Variants in GRID2 observed in about 807,000 individuals in gnomAD.
GRID2 encodes the protein glutamate ionotropic receptor delta type subunit 2, also known as glutamate receptor ionotropic, delta-2.
Under a neutral mutation model 114.8 loss-of-function variants are expected in GRID2, and 33 were observed. The ratio of observed to expected loss-of-function variants is 0.29; its 90% confidence interval spans 0.22 to 0.38. The LOEUF is 0.38. Ranked by LOEUF, GRID2 falls within the 10% of genes least tolerant of loss-of-function variation. The pLI, the probability that GRID2 is intolerant of heterozygous loss-of-function variation, is 1.00. For synonymous variants in GRID2, 505 were observed against 449.9 expected (o/e 1.12, Z -1.55); for missense variants, 1,184 against 1,257.7 (o/e 0.94, Z 0.89).
intron 2 of GRID2, among the ~76,000 whole-genome samples, chr4:93,031,519 C>T (rs1205075213): frequency 2.0e-5 from 3 of 152,104 alleles, no homozygotes; most frequent in Non-Finnish European, 4.4e-5. Flanking sequence ...ATTGTAGCTC[C>T]CATAATTCCT....
At chr4:92,320,101 C>T (rs1230737904) in intron 1 of GRID2, among the ~76,000 whole-genome samples, 1 of 151,982 alleles carries the variant, frequency 6.6e-6, no homozygotes, top group Non-Finnish European at 1.5e-5. Context: ...GAAACCATTT[C>T]GGGAGAGAAA....
chr4:93,247,517 T>C (rs1038463447), intron 8 of GRID2, among the ~76,000 whole-genome samples: 1 of 152,014 alleles, frequency 6.6e-6, no homozygotes, highest in African/African-American at 2.4e-5. Context: ...GCCTTCAGAC[T>C]CCAGCTGGGA....
At chr4:93,404,782 A>G (rs1579971562) in intron 9 of GRID2, among the ~76,000 whole-genome samples, 1 of 152,274 alleles carries the variant, frequency 6.6e-6, no homozygotes, top group Admixed American at 6.5e-5. Flanking sequence ...ATCAAGGAAT[A>G]GATAAGAGGG....
At chr4:93,184,072 C>A (rs999938930) in intron 4 of GRID2, among the ~76,000 whole-genome samples, 1 of 152,084 alleles carries the variant, frequency 6.6e-6, no homozygotes, top group Non-Finnish European at 1.5e-5. Flanking sequence ...AGTAAAAGTT[C>A]AACACAGATC....
chr4:93,592,047 T>G (rs1315055554), intron 13 of GRID2, among the ~76,000 whole-genome samples: 1 of 152,234 alleles, frequency 6.6e-6, no homozygotes, highest in Non-Finnish European at 1.5e-5. Flanking sequence ...ATTTTGTGTC[T>G]CTATTTCCTT....
chr4:93,041,344 T>A (rs970914002), intron 2 of GRID2, among the ~76,000 whole-genome samples: 24 of 152,212 alleles, frequency 1.6e-4, no homozygotes, highest in Non-Finnish European at 4.4e-5. Context: ...CTTAATGAGA[T>A]CTTGCAGAAT....
At chr4:93,227,275 T>TG (rs1262292388) in intron 7 of GRID2, among the ~76,000 whole-genome samples, 2 of 152,130 alleles carry the variant, frequency 1.3e-5, no homozygotes, top group East Asian at 3.9e-4. Context: ...TCGCACAGGC[T>TG]GGAGTGCAGT....
intron 8 of GRID2, among the ~76,000 whole-genome samples, chr4:93,337,918 C>G (rs1759252031): frequency 6.6e-6 from 1 of 151,996 alleles, no homozygotes; most frequent in Non-Finnish European, 1.5e-5. Context: ...TTCCCTAGTC[C>G]CTGCTCCACC....
At chr4:92,499,987 T>C (rs1478280120) in intron 1 of GRID2, among the ~76,000 whole-genome samples, 2 of 152,244 alleles carry the variant, frequency 1.3e-5, no homozygotes, top group African/African-American at 2.4e-5. Context: ...TTCAGGATTA[T>C]AGGATTTCAG....
At chr4:92,779,200 GTGTGTGTGTA>G (rs200565968) in intron 2 of GRID2, among the ~76,000 whole-genome samples, 3,502 of 151,868 alleles carry the variant, frequency 0.023, 93 homozygotes, top group East Asian at 0.12. Flanking sequence ...GTGTGTGTGT[GTGTGTGTGTA>G]TGTGTGTGTG....
intron 14 of GRID2, among the ~76,000 whole-genome samples, chr4:93,661,838 G>C (rs1382583760): frequency 6.6e-6 from 1 of 152,144 alleles, no homozygotes; most frequent in Admixed American, 6.6e-5. Context: ...AACAACAAGA[G>C]TGGTTCTTAT....
intron 2 of GRID2, among the ~76,000 whole-genome samples, chr4:92,941,731 C>A (rs1751150356): frequency 6.6e-6 from 1 of 152,190 alleles, no homozygotes; most frequent in Non-Finnish European, 1.5e-5. Flanking sequence ...CCTCTACACA[C>A]TGCTTTGAAT....
intron 2 of GRID2, among the ~76,000 whole-genome samples, chr4:93,042,484 A>T (rs1725658447): frequency 6.7e-6 from 1 of 148,644 alleles, no homozygotes; most frequent in Non-Finnish European, 1.5e-5. Flanking sequence ...TCTCTGAAGT[A>T]AGGAGGAACC....
At chr4:92,704,745 C>CTT (rs1560542574) in intron 2 of GRID2, among the ~76,000 whole-genome samples, 7 of 111,180 alleles carry the variant, frequency 6.3e-5, no homozygotes, top group Non-Finnish European at 9.7e-5. Context: ...CTCTCTCTCT[C>CTT]CCTCCCTCTC....
Position 93,065,816 on chromosome 4 carries a change from C to T in GRID2, c.245-19179C>T, listed in dbSNP as rs942321259. ...TATGGTTCTTTAAGCTCCTGTTTAG[C>T]TGTATCCCATCTGCCCTTGCTAAAT... On this transcript the variant is annotated intron_variant, in intron 2 of 15. Transcript: ENST00000282020. Among the ~76,000 whole-genome samples the T allele has an allele frequency of 3.3e-5, 5 of 151,856 alleles. No homozygotes were observed. In the East Asian group the frequency reaches 9.7e-4, roughly 29 times the overall value.
intron 2 of GRID2, among the ~76,000 whole-genome samples, chr4:93,044,014 GA>G (rs1725884603): frequency 6.6e-6 from 1 of 151,878 alleles, no homozygotes. Context: ...AAGTAATGAA[GA>G]AAGTGATAGT....
At chr4:93,650,861 G>C (rs1376547631) in intron 14 of GRID2, among the ~76,000 whole-genome samples, 1 of 151,918 alleles carries the variant, frequency 6.6e-6, no homozygotes, top group Non-Finnish European at 1.5e-5. Context: ...GGAACAAACT[G>C]AAAGGTTTAA....
At position 92,931,066 on chromosome 4, in the gene GRID2, G is replaced by A. The variant is rs181369229; in HGVS notation, c.245-153929G>A. On this transcript the variant is annotated intron_variant, in intron 2 of 15. Coordinates refer to ENST00000282020, the MANE Select transcript of GRID2 (RefSeq NM_001510.4). ...AACCTGATAAAGACATAACAAAGAA[G>A]AAATTGCAGGTTTTTTACCACTACA... Among the ~76,000 whole-genome samples the A allele has an allele frequency of 7.6e-4, 115 of 150,580 alleles. 1 individual carries two copies. The highest frequency in any genetic ancestry group is 1.4e-3 in the Non-Finnish European group (94 of 67,108).
chr4:93,689,084 C>T (rs1049052331), intron 14 of GRID2, among the ~76,000 whole-genome samples: 1 of 152,040 alleles, frequency 6.6e-6, no homozygotes, highest in Non-Finnish European at 1.5e-5. Context: ...CACAAACACA[C>T]GCAGAGAGAA....
Sources: gnomAD v4.1 joint callset for allele counts (sites outside exome capture counted in the v4.1 genomes callset) on GRCh38, gnomAD v4.1.1 for gene constraint, MANE v1.5 for transcripts, NCBI Gene and HGNC (gene_info 2026-07-23, HGNC 2026-07-21) for gene names.